Variants in SETD5 observed in about 807,000 individuals in gnomAD.
SETD5 encodes SET domain containing 5.
Under a neutral mutation model 153.3 loss-of-function variants are expected in SETD5, and 44 were observed. That is an observed-to-expected ratio of 0.29 (90% CI 0.23 to 0.37). SETD5 has a LOEUF of 0.37. SETD5 is among the 10% of genes least tolerant of loss of function. The probability of loss-of-function intolerance (pLI) is 1.00; values close to 1 mark genes in which losing one functional copy is unlikely to be tolerated. For synonymous variants in SETD5, 716 were observed against 645.2 expected, an observed-to-expected ratio of 1.11 and a Z score of -1.66; for missense variants, 1,544 against 1,768.0, an observed-to-expected ratio of 0.87 and a Z score of 2.27.
At chr3:9,448,964 T>C (rs539732968) in intron 16 of SETD5, among the ~76,000 whole-genome samples, 92 of 152,310 alleles carry the variant, frequency 6.0e-4, no homozygotes, top group African/African-American at 1.8e-3. Context: ...TCTTGTGATA[T>C]GGGTTAACAT....
At chr3:9,439,020 A>G (rs772418825) in intron 7 of SETD5, among the ~76,000 whole-genome samples, 1 of 152,238 alleles carries the variant, frequency 6.6e-6, no homozygotes, top group Non-Finnish European at 1.5e-5. Flanking sequence ...AACAATGGCT[A>G]ATACTGTGAC....
intron 3 of SETD5, chr3:9,430,650 A>G: frequency 4.3e-6 from 1 of 233,462 alleles, no homozygotes; most frequent in Middle Eastern, 2.2e-3. Context: ...GATAGATAGC[A>G]TTAACATTTG....
chr3:9,408,062 T>C lies in SETD5; in HGVS notation c.-177+10085T>C, dbSNP rs75740238. 6.3e-3 allele frequency among the ~76,000 whole-genome samples: 965 copies of C among 152,310 alleles called. 10 individuals are homozygous for C. Among genetic ancestry groups the C allele is most frequent in the African/African-American group, 0.022 (924 of 41,572 alleles). ...CGTTTTACTTTCCTTGGGACAGTCCTGGTTTATACCTGCTATCCTAGCGTA... is the reference window on the plus strand; with the variant it reads ...CGTTTTACTTTCCTTGGGACAGTCCCGGTTTATACCTGCTATCCTAGCGTA... On this transcript the variant is annotated intron_variant, in intron 1 of 22. Coordinates refer to ENST00000402198, the MANE Select transcript of SETD5 (RefSeq NM_001080517.3).
chr3:9,458,247 A>G (rs1486351801), intron 17 of SETD5, among the ~76,000 whole-genome samples: 1 of 152,162 alleles, frequency 6.6e-6, no homozygotes, highest in African/African-American at 2.4e-5. Flanking sequence ...ACACAGCAAG[A>G]CCTTGTCTTC....
chr3:9,425,010 G>C (rs552676509), intron 2 of SETD5, among the ~76,000 whole-genome samples: 33 of 147,520 alleles, frequency 2.2e-4, no homozygotes, highest in Admixed American at 1.4e-4. Context: ...AAGGAAAATG[G>C]AATAATTTTT....
At chr3:9,452,060 G>A (rs1282038892) in intron 16 of SETD5, among the ~76,000 whole-genome samples, 1 of 152,116 alleles carries the variant, frequency 6.6e-6, no homozygotes, top group Non-Finnish European at 1.5e-5. Context: ...AACAGAACCT[G>A]GAGGAGTAGG....
Position 9,453,805 on chromosome 3 carries a change from A to T in SETD5, c.2413A>T (p.Thr805Ser). Reference sequence around the variant, plus strand: ...ATCATCTGTACCCCAAGAGACTAGAACTCAGCACCTATACCAAAGCAATGA... The same window carrying T: ...ATCATCTGTACCCCAAGAGACTAGATCTCAGCACCTATACCAAAGCAATGA... ...QTSSVPQETR[T>S]QHLYQSNENS... is the part of the protein sequence containing the mutation. The change falls in exon 17 of 23, where the codon ACT becomes TCT. Residue 805 changes from threonine (T) to serine (S), a missense_variant. Transcript: ENST00000402198. 1.2e-6 allele frequency: 2 copies of T among 1,609,546 alleles called. No individual in the cohort carries two copies. The highest frequency in any genetic ancestry group is 1.7e-6 in the Non-Finnish European group (2 of 1,178,706).
At chr3:9,431,771 A>G (rs1006362314) in intron 3 of SETD5, 1 of 961,146 alleles carries the variant, frequency 1.0e-6, no homozygotes, top group Non-Finnish European at 1.2e-6. Context: ...TACAACCAGC[A>G]TAGCTCCATC....
chr3:9,418,281 A>G (rs983527102), intron 1 of SETD5, among the ~76,000 whole-genome samples: 3 of 152,210 alleles, frequency 2.0e-5, no homozygotes, highest in Admixed American at 2.0e-4. Context: ...TTGCATTTGC[A>G]GTCAGACCTC....
Position 9,476,078 on chromosome 3 carries a change from C to T in SETD5, c.4316C>T (p.Thr1439Met), listed in dbSNP as rs781689670. 7 of 1,613,026 alleles carry T rather than the reference C, an allele frequency of 4.3e-6. No homozygotes were observed. Among genetic ancestry groups the T allele is most frequent in the Non-Finnish European group, 5.1e-6 (6 of 1,179,368 alleles). The change falls in exon 23 of 23, where the codon ACG becomes ATG. Residue 1439 changes from threonine to methionine, a missense_variant. Coordinates refer to ENST00000402198, the MANE Select transcript of SETD5 (RefSeq NM_001080517.3). ...CAAGGGTCAGGAGTCAAGACTCAGA[C>T]GGGACTTTCCTAGGGCTTCTGGATT... ...PLQGSGVKTQ[T>M]GLS
chr3:9,469,643 A>G (rs901429100), intron 18 of SETD5, among the ~76,000 whole-genome samples: 2 of 152,202 alleles, frequency 1.3e-5, no homozygotes, highest in Non-Finnish European at 2.9e-5. Context: ...TTGAAGACTG[A>G]TATGGTATGG....
chr3:9,399,577 G>A (rs2034411617), intron 1 of SETD5, among the ~76,000 whole-genome samples: 1 of 152,062 alleles, frequency 6.6e-6, no homozygotes, highest in South Asian at 2.1e-4. Context: ...TATGCCCTTT[G>A]GTAGGACATG....
chr3:9,413,225 T>C (rs1301872179), intron 1 of SETD5, among the ~76,000 whole-genome samples: 10 of 152,210 alleles, frequency 6.6e-5, no homozygotes, highest in South Asian at 4.2e-4. Flanking sequence ...AGCCTACATA[T>C]ATAATGAGTT....
In SETD5 at chr3:9,473,377, C is replaced by T. The variant is rs375325655; in HGVS notation, c.3337C>T (p.His1113Tyr). ...SSNSVSDTGA[H>Y]GVQGSSARTP... ...TAACTCCGTTTCCGACACTGGTGCC[C>T]ATGGTGTGCAGGGATCCTCAGCCCG... is the stretch of plus-strand genomic sequence containing the variant. Residue 1113 changes from histidine to tyrosine, a missense_variant, in exon 20 of 23, where the codon CAT (histidine) becomes TAT (tyrosine). This residue lies in a region of SETD5 where 93 missense variants were observed against 93.4 expected (regional missense o/e 1.00). Coordinates refer to ENST00000402198, the MANE Select transcript of SETD5 (RefSeq NM_001080517.3). 5 of 1,613,956 alleles carry T rather than the reference C, an allele frequency of 3.1e-6. No individual in the cohort carries two copies. Among genetic ancestry groups the T allele is most frequent in the Admixed American group, 1.7e-5 (1 of 60,014 alleles).
intron 18 of SETD5, among the ~76,000 whole-genome samples, chr3:9,468,249 T>C (rs1424797916): frequency 6.6e-6 from 1 of 152,094 alleles, no homozygotes; most frequent in African/African-American, 2.4e-5. Flanking sequence ...TCTTTCCTTG[T>C]ATGTGCTTGA....
intron 18 of SETD5, among the ~76,000 whole-genome samples, chr3:9,468,758 A>G (rs573737196): frequency 5.3e-4 from 81 of 151,896 alleles, no homozygotes; most frequent in Non-Finnish European, 9.0e-4. Flanking sequence ...AGGACTGTCA[A>G]TGTAGATGGA....
Position 9,434,169 on chromosome 3 carries a change from C to CA in SETD5, c.178-159dup, listed in dbSNP as rs762816263. On this transcript the variant is annotated intron_variant, in intron 4 of 22. Transcript: ENST00000402198. This position sits in a 1 kb window ranked among gnomAD's most constrained non-coding sequence, Gnocchi z 5.6. ...GTTTTATCACTTTCCTGGTTGAAGC[C>CA]AAAAAACAAAGGGTACTACTTTCTT... 1.1e-5 allele frequency: 17 copies of CA among 1,548,510 alleles called. No homozygotes were observed. The South Asian group carries it at 1.2e-4, about 11-fold the overall frequency.
chr3:9,452,984 A>C (rs1238855287), intron 16 of SETD5, among the ~76,000 whole-genome samples: 1 of 152,114 alleles, frequency 6.6e-6, no homozygotes, highest in Non-Finnish European at 1.5e-5. Flanking sequence ...CAGGATACAT[A>C]ATCTTATTAT....
chr3:9,456,532 G>A (rs994430055), intron 17 of SETD5, among the ~76,000 whole-genome samples: 10 of 149,448 alleles, frequency 6.7e-5, no homozygotes, highest in Admixed American at 2.7e-4. Context: ...AATGGGAATA[G>A]CAATACCTGC....
Sources: allele counts gnomAD v4.1 joint callset (sites outside exome capture counted in the v4.1 genomes callset), GRCh38; gene constraint gnomAD v4.1.1; regional missense constraint gnomAD v4.1.1; non-coding constraint Gnocchi (gnomAD v3.1); transcripts MANE v1.5; gene names NCBI Gene and HGNC (gene_info 2026-07-23, HGNC 2026-07-21).